The following ANKS1B variants were observed in gnomAD, a reference collection of about 807,000 sequenced individuals.
ANKS1B encodes the protein ankyrin repeat and sterile alpha motif domain-containing protein 1B.
A neutral mutation model predicts 148.3 loss-of-function variants in ANKS1B; 36 were observed. The ratio of observed to expected loss-of-function variants is 0.24; its 90% CI spans 0.19 to 0.32. The LOEUF is 0.32. Ranked by LOEUF, ANKS1B falls within the 10% of genes least tolerant of loss-of-function variation. The pLI, the probability that ANKS1B is intolerant of heterozygous loss-of-function variation, is 1.00. For synonymous variants in ANKS1B, 542 were observed against 560.8 expected (o/e 0.97, Z 0.47); for missense variants, 1,157 against 1,542.6 (o/e 0.75, Z 4.19).
chr12:98,807,759 A>G, intron 20 of ANKS1B, 85 bp downstream of exon 20: 1 of 1,155,688 alleles, frequency 8.7e-7, no homozygotes, highest in Non-Finnish European at 1.2e-6. Flanking sequence ...TTGCCAGGAC[A>G]CAGTACCTAT....
chr12:99,541,987 A>G (rs1487900128), intron 9 of ANKS1B, among the ~76,000 whole-genome samples: 1 of 152,212 alleles, frequency 6.6e-6, no homozygotes, highest in Admixed American at 6.5e-5. Context: ...GAAAAACTGA[A>G]TATTTCCCCC....
Position 99,668,047 on chromosome 12 carries a change from T to A in ANKS1B, c.1129-12837A>T, listed in dbSNP as rs563185531. On this transcript the variant is annotated intron_variant, in intron 8 of 26. Coordinates refer to ENST00000683438, the MANE Select transcript of ANKS1B (RefSeq NM_001352186.2). ...TTATCACAGTAATGCTGACTTCATATAATAAATTGGGAACAACCCTTATCT... is the reference window on the plus strand; with the variant it reads ...TTATCACAGTAATGCTGACTTCATAAAATAAATTGGGAACAACCCTTATCT... Among the ~76,000 whole-genome samples the A allele has an allele frequency of 2.6e-5, 4 of 152,348 alleles. 1 individual carries two copies. Among genetic ancestry groups the A allele is most frequent in the African/African-American group, 9.6e-5 (4 of 41,600 alleles).
chr12:98,801,883 C>T lies in ANKS1B; in HGVS notation c.3142-758G>A, dbSNP rs545865689. Among the ~76,000 whole-genome samples the T allele has an allele frequency of 1.1e-4, 17 of 152,294 alleles. No individual in the cohort carries two copies. Among genetic ancestry groups the T allele is most frequent in the African/African-American group, 3.6e-4 (15 of 41,554 alleles). The stretch of plus-strand genomic sequence containing the variant: ...ACAGACCTAAAACAGGAGGACCTCC[C>T]ATCATTTCATTTATCATTTTCCATG... On this transcript the variant is annotated intron_variant, in intron 20 of 26. Coordinates refer to ENST00000683438, the MANE Select transcript of ANKS1B (RefSeq NM_001352186.2). The surrounding 1 kb of genome is among the most constrained non-coding windows in gnomAD (Gnocchi z 5.2).
At chr12:99,051,420 C>A (rs2099965981) in intron 17 of ANKS1B, among the ~76,000 whole-genome samples, 1 of 152,160 alleles carries the variant, frequency 6.6e-6, no homozygotes, top group Non-Finnish European at 1.5e-5. Context: ...GAAAATGTTA[C>A]ATAGGGATAT....
At chr12:99,341,847 A>C (rs2089973685) in intron 12 of ANKS1B, among the ~76,000 whole-genome samples, 1 of 152,116 alleles carries the variant, frequency 6.6e-6, no homozygotes, top group African/African-American at 2.4e-5. Context: ...AAGGATTTCA[A>C]CCCAGGTATT....
intron 9 of ANKS1B, among the ~76,000 whole-genome samples, chr12:99,621,531 C>A (rs759892409): frequency 1.3e-5 from 2 of 150,534 alleles, no homozygotes; most frequent in Non-Finnish European, 3.0e-5. Context: ...ATAACACCAC[C>A]CATAAGCTCA....
chr12:99,483,955 T>C (rs1280256956), intron 10 of ANKS1B, among the ~76,000 whole-genome samples: 1 of 152,014 alleles, frequency 6.6e-6, no homozygotes, highest in Non-Finnish European at 1.5e-5. Context: ...ATCAGCTTTT[T>C]ATTTCATTAA....
intron 12 of ANKS1B, among the ~76,000 whole-genome samples, chr12:99,310,021 T>C (rs1055840322): frequency 3.9e-5 from 6 of 152,238 alleles, no homozygotes; most frequent in Admixed American, 1.3e-4. Flanking sequence ...CATGGTTTCT[T>C]AGCATTTGGA....
At chr12:98,857,239 C>T (rs747197184) in intron 17 of ANKS1B, among the ~76,000 whole-genome samples, 5 of 152,176 alleles carry the variant, frequency 3.3e-5, no homozygotes, top group Non-Finnish European at 5.9e-5. Context: ...TCTTAGAGGA[C>T]GCTGTTCACA....
intron 8 of ANKS1B, among the ~76,000 whole-genome samples, chr12:99,725,170 T>C (rs1056875219): frequency 3.9e-5 from 6 of 152,158 alleles, no homozygotes; most frequent in Admixed American, 2.0e-4. Flanking sequence ...TAACCTTAAA[T>C]GTAAATGGGC....
At chr12:99,403,667 T>G (rs891935449) in intron 11 of ANKS1B, among the ~76,000 whole-genome samples, 1 of 145,300 alleles carries the variant, frequency 6.9e-6, no homozygotes, top group Non-Finnish European at 1.5e-5. Flanking sequence ...ATTTTTTCTT[T>G]TATTCCAACT....
intron 16 of ANKS1B, among the ~76,000 whole-genome samples, chr12:99,074,136 A>G (rs1357967335): frequency 2.6e-5 from 4 of 152,204 alleles, no homozygotes. Flanking sequence ...CAAGGGAGCC[A>G]CTGTTCTTTA....
chr12:99,636,980 CT>C (rs2153412381), intron 9 of ANKS1B, among the ~76,000 whole-genome samples: 2 of 152,258 alleles, frequency 1.3e-5, no homozygotes, highest in East Asian at 3.9e-4. Flanking sequence ...TTCCTTCTCA[CT>C]AATAATCAGG....
At chr12:99,084,669 G>T (rs888743840) in intron 16 of ANKS1B, among the ~76,000 whole-genome samples, 1 of 152,172 alleles carries the variant, frequency 6.6e-6, no homozygotes, top group African/African-American at 2.4e-5. Context: ...AGTGAGCCTA[G>T]ATCATACCAT....
chr12:99,581,948 T>C (rs1462353955), intron 9 of ANKS1B, among the ~76,000 whole-genome samples: 1 of 151,048 alleles, frequency 6.6e-6, no homozygotes, highest in East Asian at 1.9e-4. Flanking sequence ...AGCCATAAAC[T>C]TGGATTAAAC....
chr12:99,333,807 C>T (rs6538910), intron 12 of ANKS1B, among the ~76,000 whole-genome samples: 3,803 of 148,544 alleles, frequency 0.026, 155 homozygotes, highest in African/African-American at 0.085. Flanking sequence ...AGCACTGATT[C>T]CACTAGGTGG....
At chr12:99,544,691 C>A (rs2097156780) in intron 9 of ANKS1B, among the ~76,000 whole-genome samples, 1 of 152,110 alleles carries the variant, frequency 6.6e-6, no homozygotes, top group African/African-American at 2.4e-5. Context: ...GAACAAGTGA[C>A]AAGAGCAATT....
chr12:99,963,331 A>C (rs1046351656), intron 1 of ANKS1B, among the ~76,000 whole-genome samples: 2 of 152,078 alleles, frequency 1.3e-5, no homozygotes, highest in Non-Finnish European at 2.9e-5. Context: ...AGTTTCTTTC[A>C]TTGTGCAGAA....
intron 14 of ANKS1B, among the ~76,000 whole-genome samples, chr12:99,236,779 A>G (rs1200014851): frequency 6.6e-6 from 1 of 152,218 alleles, no homozygotes; most frequent in Non-Finnish European, 1.5e-5. Context: ...ATTAAAAAGA[A>G]TGAGATTATA....
Sources: allele counts gnomAD v4.1 joint callset (sites outside exome capture counted in the v4.1 genomes callset), GRCh38; gene constraint gnomAD v4.1.1; non-coding constraint Gnocchi (gnomAD v3.1); transcripts MANE v1.5; gene names NCBI Gene and HGNC (gene_info 2026-07-23, HGNC 2026-07-21).